The following GPC5 variants were observed in gnomAD, a reference collection of about 807,000 sequenced individuals.
GPC5 encodes the protein glypican 5, also known as glypican-5.
GPC5 carries 47 observed loss-of-function variants against 53.9 expected under a neutral mutation model. The ratio of observed to expected loss-of-function variants is 0.87; its 90% CI spans 0.69 to 1.11. The LOEUF (loss-of-function observed/expected upper bound fraction) is 1.11. Ranked by LOEUF, GPC5 falls within the 50% of genes most tolerant of loss-of-function variation. The pLI is 0.00. For synonymous variants in GPC5, 286 were observed against 263.3 expected (o/e 1.09, Z -0.84); for missense variants, 748 against 713.1 (o/e 1.05, Z -0.56).
chr13:91,643,870 A>G (rs1333614117), intron 2 of GPC5, among the ~76,000 whole-genome samples: 2 of 151,922 alleles, frequency 1.3e-5, no homozygotes, highest in Non-Finnish European at 2.9e-5. Context: ...TACTTAACTC[A>G]TTTTGTTTTC....
chr13:91,669,386 C>T (rs145674245), intron 2 of GPC5, among the ~76,000 whole-genome samples: 123 of 152,280 alleles, frequency 8.1e-4, no homozygotes, highest in African/African-American at 2.8e-3. Flanking sequence ...ATTGGAGAAA[C>T]CCCTCCACAA....
intron 6 of GPC5, among the ~76,000 whole-genome samples, chr13:92,059,547 T>A (rs1007051843): frequency 6.6e-6 from 1 of 152,076 alleles, no homozygotes; most frequent in African/African-American, 2.4e-5. Flanking sequence ...TTGTGTATAA[T>A]CTTTTAAATT....
intron 7 of GPC5, among the ~76,000 whole-genome samples, chr13:92,433,560 A>G (rs1015809230): frequency 5.3e-5 from 8 of 152,176 alleles, no homozygotes; most frequent in African/African-American, 1.9e-4. Flanking sequence ...ATGGAGGAGC[A>G]GACAGTTGAT....
chr13:91,697,996 G>T (rs1455589126), intron 3 of GPC5, among the ~76,000 whole-genome samples: 5 of 151,410 alleles, frequency 3.3e-5, no homozygotes, highest in Non-Finnish European at 7.4e-5. Flanking sequence ...CCACCTCCCG[G>T]GTTCAAGCAA....
intron 7 of GPC5, among the ~76,000 whole-genome samples, chr13:92,677,622 A>C (rs1664775225): frequency 6.6e-6 from 1 of 152,234 alleles, no homozygotes. Context: ...TATTAAAAGC[A>C]GGAGAAGGAT....
At chr13:91,502,947 GA>G (rs1243419739) in intron 2 of GPC5, among the ~76,000 whole-genome samples, 3 of 152,160 alleles carry the variant, frequency 2.0e-5, no homozygotes, top group African/African-American at 7.2e-5. Context: ...TAGGAGAATG[GA>G]TATGGTCTTA....
At chr13:92,110,024 G>A (rs932279303) in intron 6 of GPC5, among the ~76,000 whole-genome samples, 1 of 152,066 alleles carries the variant, frequency 6.6e-6, no homozygotes, top group African/African-American at 2.4e-5. Context: ...AGATACATAG[G>A]TATATGAAAA....
At chr13:91,815,498 C>CA (rs1413453654) in intron 5 of GPC5, among the ~76,000 whole-genome samples, 1 of 152,144 alleles carries the variant, frequency 6.6e-6, no homozygotes, top group Non-Finnish European at 1.5e-5. Context: ...TATCCACACA[C>CA]AAAAAATGAT....
At chr13:92,039,471 T>G (rs1312201036) in intron 6 of GPC5, among the ~76,000 whole-genome samples, 1 of 152,224 alleles carries the variant, frequency 6.6e-6, no homozygotes, top group African/African-American at 2.4e-5. Flanking sequence ...AACACTCATT[T>G]AATGTCTCTG....
intron 6 of GPC5, among the ~76,000 whole-genome samples, chr13:92,064,963 A>T (rs1476489474): frequency 6.6e-6 from 1 of 151,998 alleles, no homozygotes; most frequent in Non-Finnish European, 1.5e-5. Context: ...AATTCCTATG[A>T]ATACAACAAT....
At chr13:92,202,120 A>G (rs182500767) in intron 7 of GPC5, among the ~76,000 whole-genome samples, 7 of 152,354 alleles carry the variant, frequency 4.6e-5, no homozygotes, top group Non-Finnish European at 4.4e-5. Context: ...TTCTAGATGA[A>G]CTAAAGAATG....
At chr13:92,819,109 A>G (rs1270041733) in intron 7 of GPC5, among the ~76,000 whole-genome samples, 1 of 152,038 alleles carries the variant, frequency 6.6e-6, no homozygotes, top group East Asian at 1.9e-4. Flanking sequence ...TTCTCACCCT[A>G]TGAAAAGTGA....
intron 6 of GPC5, among the ~76,000 whole-genome samples, chr13:91,910,989 T>A (rs1181519395): frequency 6.6e-6 from 1 of 151,656 alleles, no homozygotes; most frequent in Non-Finnish European, 1.5e-5. Flanking sequence ...GGGGGAGATG[T>A]TTGGGTTGAT....
chr13:92,257,559 T>TTTTTTTTTTTTTTTTTTTTG (rs2042736070), intron 7 of GPC5, among the ~76,000 whole-genome samples: 1 of 133,328 alleles, frequency 7.5e-6, no homozygotes, highest in Non-Finnish European at 1.6e-5. Flanking sequence ...TTTTTTTTTT[T>TTTTTTTTTTTTTTTTTTTTG]TTTTTTTTGG....
intron 7 of GPC5, among the ~76,000 whole-genome samples, chr13:92,483,894 A>C (rs1057487810): frequency 5.3e-5 from 8 of 152,028 alleles, no homozygotes; most frequent in Non-Finnish European, 1.2e-4. Context: ...CTGGGAGGTC[A>C]AGGTGGGAAA....
At chr13:92,422,488 TCA>T (rs6145177) in intron 7 of GPC5, among the ~76,000 whole-genome samples, 8,717 of 133,158 alleles carry the variant, frequency 0.065, 272 homozygotes, top group Middle Eastern at 0.12. Context: ...CATCACCATC[TCA>T]CACACACACA....
At chr13:92,265,519 T>G (rs2042796807) in intron 7 of GPC5, among the ~76,000 whole-genome samples, 1 of 152,180 alleles carries the variant, frequency 6.6e-6, no homozygotes, top group Non-Finnish European at 1.5e-5. Context: ...GAATGGCCTT[T>G]CCTGTCCACA....
intron 7 of GPC5, among the ~76,000 whole-genome samples, chr13:92,334,044 C>T (rs1412536027): frequency 6.6e-6 from 1 of 152,114 alleles, no homozygotes; most frequent in Admixed American, 6.5e-5. Flanking sequence ...AATGAAAGAA[C>T]TGACAAAACC....
chr13:92,668,732 C>T lies in GPC5; in HGVS notation c.1562-197550C>T, dbSNP rs151167503. Among the ~76,000 whole-genome samples, 441 of 152,016 alleles carry T rather than the reference C, an allele frequency of 2.9e-3. 2 individuals are homozygous for T. Among genetic ancestry groups the T allele is most frequent in the African/African-American group, 1.0e-2 (414 of 41,514 alleles). ...TGAATAAGTCTGTGGTCTTCTGTAACGGTTTAACCTTATATAGTTGTATTT... is the reference window on the plus strand; with the variant it reads ...TGAATAAGTCTGTGGTCTTCTGTAATGGTTTAACCTTATATAGTTGTATTT... On this transcript the variant is annotated intron_variant, in intron 7 of 7. Coordinates refer to ENST00000377067, the MANE Select transcript of GPC5 (RefSeq NM_004466.6).
Sources: allele counts gnomAD v4.1 joint callset (sites outside exome capture counted in the v4.1 genomes callset), GRCh38; gene constraint gnomAD v4.1.1; transcripts MANE v1.5; gene names NCBI Gene and HGNC (gene_info 2026-07-23, HGNC 2026-07-21).